The following AQP9 variants were observed in gnomAD, a reference collection of about 807,000 sequenced individuals.
The protein encoded by AQP9 is aquaporin-9.
Under a neutral mutation model 23.8 loss-of-function variants are expected in AQP9, and 19 were observed. That is an observed-to-expected ratio of 0.80 (90% CI 0.56 to 1.17). AQP9 has a LOEUF of 1.17. Among genes scored for constraint, AQP9 ranks in the 50% most tolerant of loss-of-function variants. The probability of loss-of-function intolerance (pLI) is 0.00; values close to 1 mark genes in which losing one functional copy is unlikely to be tolerated. For missense variants in AQP9, 413 were observed against 362.0 expected, an observed-to-expected ratio of 1.14 and a Z score of -1.14; for synonymous variants, 153 against 131.5, an observed-to-expected ratio of 1.16 and a Z score of -1.12.
intron 1 of AQP9, among the ~76,000 whole-genome samples, chr15:58,143,221 G>T (rs1897981237): frequency 6.6e-6 from 1 of 152,138 alleles, no homozygotes. Flanking sequence ...AACGTCTGAG[G>T]TTCTAAATCT....
chr15:58,171,099 T>C (rs1898610720), intron 2 of AQP9, among the ~76,000 whole-genome samples: 1 of 150,352 alleles, frequency 6.7e-6, no homozygotes, highest in Admixed American at 6.6e-5. Flanking sequence ...TAATTTTTTT[T>C]TTTTTTTGAG....
chr15:58,152,773 T>C (rs1346268141), intron 1 of AQP9: 1 of 152,158 alleles, frequency 6.6e-6, no homozygotes, highest in Admixed American at 6.6e-5. Flanking sequence ...TACATATTCA[T>C]AGATCAAGAA....
chr15:58,155,327 C>A (rs1898227601), intron 1 of AQP9: 1 of 152,138 alleles, frequency 6.6e-6, no homozygotes, highest in Admixed American at 6.6e-5. Flanking sequence ...CTACTCACGA[C>A]CATAGCAATA....
chr15:58,175,581 G>T lies in AQP9; in HGVS notation c.495+545G>T, dbSNP rs868043362. ...GGTGTAACCAATAGCACACCTATTT[G>T]GTCAGCTTATGGCAGGACTAACATT... On this transcript the variant is annotated intron_variant, in intron 4 of 5. Coordinates refer to ENST00000219919, the MANE Select transcript of AQP9 (RefSeq NM_020980.5). Among the ~76,000 whole-genome samples, 12 of 152,150 alleles carry T rather than the reference G, an allele frequency of 7.9e-5. 1 individual carries two copies. Among genetic ancestry groups the T allele is most frequent in the Non-Finnish European group, 1.6e-4 (11 of 68,040 alleles).
At chr15:58,145,318 C>T (rs1898025603) in intron 1 of AQP9, among the ~76,000 whole-genome samples, 1 of 151,912 alleles carries the variant, frequency 6.6e-6, no homozygotes, top group Admixed American at 6.6e-5. Context: ...GCCTGGCCAA[C>T]ATGGTGAAAC....
At chr15:58,179,908 G>A (rs984697447) in intron 5 of AQP9, among the ~76,000 whole-genome samples, 26 of 152,282 alleles carry the variant, frequency 1.7e-4, no homozygotes, top group Middle Eastern at 6.8e-3. Flanking sequence ...CACAGATAAC[G>A]TGTGAGTAAC....
rs142087335 is a variant in AQP9 at position 58,157,385 on chromosome 15, G to A, written c.112-9288G>A. ...ACATACCATCTGGGTGAGACTTGGA[G>A]GTATTGGGGCATTTTAGAATGTCCA... On this transcript the variant is annotated intron_variant, in intron 1 of 5. Coordinates refer to ENST00000219919, the MANE Select transcript of AQP9 (RefSeq NM_020980.5). Among the ~76,000 whole-genome samples, 551 of 152,274 alleles carry A rather than the reference G, an allele frequency of 3.6e-3. 6 individuals carry two copies. Among genetic ancestry groups the A allele is most frequent in the African/African-American group, 0.012 (517 of 41,536 alleles).
At chr15:58,167,397 A>T (rs563310644) in intron 2 of AQP9, among the ~76,000 whole-genome samples, 1 of 152,334 alleles carries the variant, frequency 6.6e-6, no homozygotes, top group African/African-American at 2.4e-5. Context: ...GTTACCAAAG[A>T]CACTCAGAAT....
intron 1 of AQP9, among the ~76,000 whole-genome samples, chr15:58,157,153 C>G (rs138807333): frequency 6.6e-6 from 1 of 152,100 alleles, no homozygotes; most frequent in African/African-American, 2.4e-5. Context: ...AAAATATCTA[C>G]TTGAGGATAT....
intron 4 of AQP9, among the ~76,000 whole-genome samples, chr15:58,175,736 CAGTGG>C (rs67642915): frequency 0.47 from 70,850 of 151,588 alleles, 17,442 homozygotes; most frequent in Admixed American, 0.6. Context: ...AGGACTTATA[CAGTGG>C]AGCAGATCAG....
chr15:58,178,875 G>T (rs1026913037), intron 4 of AQP9, among the ~76,000 whole-genome samples: 9 of 152,138 alleles, frequency 5.9e-5, no homozygotes, highest in African/African-American at 1.2e-4. Flanking sequence ...AAACCTGACT[G>T]CCACCTACTA....
intron 1 of AQP9, among the ~76,000 whole-genome samples, chr15:58,143,179 A>G (rs1410493667): frequency 2.6e-5 from 4 of 152,308 alleles, no homozygotes; most frequent in African/African-American, 9.6e-5. Flanking sequence ...AAGGATTGGT[A>G]CTTCTGTACT....
In AQP9 at chr15:58,159,870, G is replaced by A. The variant is rs186973129; in HGVS notation, c.112-6803G>A. ...CTTTATGGTTGAATAATGTTTCATTGCGTATATATGCCACATTTTCTTTAT... is the reference window on the plus strand; with the variant it reads ...CTTTATGGTTGAATAATGTTTCATTACGTATATATGCCACATTTTCTTTAT... On this transcript the variant is annotated intron_variant, in intron 1 of 5. Coordinates refer to ENST00000219919, the MANE Select transcript of AQP9 (RefSeq NM_020980.5). 3.2e-4 allele frequency among the ~76,000 whole-genome samples: 49 copies of A among 152,226 alleles called. 1 individual carries two copies. In the East Asian group the frequency reaches 8.9e-3, roughly 28 times the overall value.
At chr15:58,175,948 G>C (rs1053878371) in intron 4 of AQP9, among the ~76,000 whole-genome samples, 2 of 152,176 alleles carry the variant, frequency 1.3e-5, no homozygotes, top group Admixed American at 6.5e-5. Flanking sequence ...AAAGACTGAC[G>C]AGTAAATGTG....
At chr15:58,149,419 G>A (rs1296781615) in intron 1 of AQP9, among the ~76,000 whole-genome samples, 1 of 152,116 alleles carries the variant, frequency 6.6e-6, no homozygotes, top group African/African-American at 2.4e-5. Flanking sequence ...GTCAAACCTT[G>A]GCCCCAGCAC....
chr15:58,177,377 C>CA, intron 4 of AQP9, among the ~76,000 whole-genome samples: 1 of 152,274 alleles, frequency 6.6e-6, no homozygotes, highest in Admixed American at 6.5e-5. Context: ...GTGACAGGGA[C>CA]ACTGATACAA....
chr15:58,169,775 C>G (rs1309168680), intron 2 of AQP9, among the ~76,000 whole-genome samples: 1 of 152,088 alleles, frequency 6.6e-6, no homozygotes, highest in Non-Finnish European at 1.5e-5. Flanking sequence ...GTCATAATAC[C>G]CTAATTATGT....
chr15:58,157,407 T>C (rs758614567), intron 1 of AQP9, among the ~76,000 whole-genome samples: 27 of 152,184 alleles, frequency 1.8e-4, no homozygotes, highest in Non-Finnish European at 7.4e-5. Context: ...TTTTAGAATG[T>C]CCACCTGGCT....
intron 2 of AQP9, among the ~76,000 whole-genome samples, chr15:58,168,075 G>A (rs139326527): frequency 4.6e-5 from 7 of 152,028 alleles, no homozygotes; most frequent in Non-Finnish European, 4.4e-5. Context: ...AGGCTGGAGT[G>A]TCGTGGCAGG....
Sources: allele counts gnomAD v4.1 joint callset (sites outside exome capture counted in the v4.1 genomes callset), GRCh38; gene constraint gnomAD v4.1.1; transcripts MANE v1.5; gene names NCBI Gene and HGNC (gene_info 2026-07-23, HGNC 2026-07-21).